The following SH3PXD2B variants were observed in gnomAD, a reference collection of about 807,000 sequenced individuals.
The protein encoded by SH3PXD2B is SH3 and PX domain-containing protein 2B.
A neutral mutation model predicts 73.1 loss-of-function variants in SH3PXD2B; 37 were observed. The observed-to-expected ratio is 0.51, with a 90% CI of 0.39 to 0.67. The LOEUF is 0.67. SH3PXD2B is among the 30% of genes least tolerant of loss of function. The pLI, the probability that SH3PXD2B is intolerant of heterozygous loss-of-function variation, is 0.00. For synonymous variants in SH3PXD2B, 457 were observed against 480.5 expected, an observed-to-expected ratio of 0.95 and a Z score of 0.64; for missense variants, 1,053 against 1,197.8, an observed-to-expected ratio of 0.88 and a Z score of 1.78.
chr5:172,333,404 G>T, downstream of SH3PXD2B: 1 of 723,346 alleles, frequency 1.4e-6, no homozygotes, highest in Non-Finnish European at 1.8e-6. Context: ...CCCAAACATA[G>T]CTGGCATAGG....
chr5:172,333,831 G>A lies in SH3PXD2B; in HGVS notation c.*4538C>T. On this transcript the variant is annotated 3_prime_UTR_variant, in exon 13 of 13. Coordinates refer to ENST00000311601, the MANE Select transcript of SH3PXD2B (RefSeq NM_001017995.3). ...CTCCCCAAAGCAGGAAATGTGGGTT[G>A]TAATCAAGGTGGCCACAGTTTATCA... The A allele has an allele frequency of 7.8e-7, 1 of 1,287,370 alleles. No homozygotes were observed. The highest frequency in any genetic ancestry group is 1.0e-6 in the Non-Finnish European group (1 of 988,328). The allele number at this position is 1,287,370 out of a possible 1,614,324, so 79.7% of individuals were successfully genotyped here.
chr5:172,403,087 G>A (rs762273239), intron 3 of SH3PXD2B, among the ~76,000 whole-genome samples: 1 of 152,268 alleles, frequency 6.6e-6, no homozygotes, highest in Non-Finnish European at 1.5e-5. Context: ...AGGTGTTTCT[G>A]TGTGCATCTC....
intron 1 of SH3PXD2B, among the ~76,000 whole-genome samples, chr5:172,451,349 C>A (rs567746996): frequency 1.3e-5 from 2 of 152,250 alleles, no homozygotes; most frequent in African/African-American, 2.4e-5. Flanking sequence ...TAGTCTATGG[C>A]GCAGTGGCTG....
At chr5:172,403,543 C>A (rs1019653304) in intron 3 of SH3PXD2B, among the ~76,000 whole-genome samples, 1 of 152,140 alleles carries the variant, frequency 6.6e-6, no homozygotes, top group Non-Finnish European at 1.5e-5. Context: ...TGAGAAGGGA[C>A]CAAGTCCCTG....
At position 172,454,374 on chromosome 5, in the gene SH3PXD2B, G is replaced by A. The variant is rs769143872; in HGVS notation, c.-22C>T. 36 of 1,440,358 alleles carry A rather than the reference G, an allele frequency of 2.5e-5. No individual in the cohort carries two copies. Among genetic ancestry groups the A allele is most frequent in the Non-Finnish European group, 3.2e-5 (35 of 1,096,742 alleles). 89.2% of individuals were successfully genotyped at this position (1,440,358 alleles called of 1,614,324 possible). ...GCATGGCCGCTCCTCCGCCCGCAGC[G>A]GGCCGAGCGCGGGTGCGGGTGGCGC... On this transcript the variant is annotated 5_prime_UTR_variant, in exon 1 of 13. Transcript: ENST00000311601.
intron 4 of SH3PXD2B, among the ~76,000 whole-genome samples, chr5:172,393,730 A>G (rs1387304382): frequency 7.2e-5 from 11 of 152,202 alleles, no homozygotes; most frequent in African/African-American, 2.4e-4. Flanking sequence ...AGAAACAAAT[A>G]CCAAAGAAAA....
Position 172,334,680 on chromosome 5 carries a change from T to G in SH3PXD2B, c.*3689A>C. On this transcript the variant is annotated 3_prime_UTR_variant, in exon 13 of 13. Transcript: ENST00000311601. ...GAATGTTTTTGTTCTTGATGTCAAG[T>G]TGCCAGCTACTGGAAGGCAGGAGCA... 4.1e-6 allele frequency: 4 copies of G among 985,534 alleles called. No homozygotes were observed. The highest frequency in any genetic ancestry group is 4.8e-6 in the Non-Finnish European group (4 of 830,014). The allele number at this position is 985,534 out of a possible 1,614,324, so 61.0% of individuals were successfully genotyped here. A position where few individuals can be genotyped will look rare whatever the true frequency, so the allele number is the denominator to read the frequency against.
At chr5:172,333,374 G>A (rs151330414), downstream of SH3PXD2B, 994 of 401,986 alleles carry the variant, frequency 2.5e-3, 8 homozygotes, top group African/African-American at 0.021. Context: ...GAGAGGGGTC[G>A]CCCCTATTTC....
In SH3PXD2B at chr5:172,333,652, T is replaced by A. The variant is rs1482643753; in HGVS notation, c.*4717A>T. On this transcript the variant is annotated 3_prime_UTR_variant, in exon 13 of 13. Coordinates refer to ENST00000311601, the MANE Select transcript of SH3PXD2B (RefSeq NM_001017995.3). Reference sequence around the variant, plus strand: ...CCTATATACTCATTTATTTAATGTGTTAAAGGAAACAAAAACCACCACCGG... The same window carrying A: ...CCTATATACTCATTTATTTAATGTGATAAAGGAAACAAAAACCACCACCGG... 3.5e-5 allele frequency: 45 copies of A among 1,289,226 alleles called. No homozygotes were observed. Among genetic ancestry groups the A allele is most frequent in the Non-Finnish European group, 4.0e-5 (40 of 988,872 alleles). The allele number at this position is 1,289,226 out of a possible 1,614,324, so 79.9% of individuals were successfully genotyped here.
At chr5:172,451,817 G>T (rs1759803055) in intron 1 of SH3PXD2B, among the ~76,000 whole-genome samples, 1 of 152,210 alleles carries the variant, frequency 6.6e-6, no homozygotes, top group African/African-American at 2.4e-5. Flanking sequence ...CCACCACAGG[G>T]ATCTGTTTCC....
intron 5 of SH3PXD2B, among the ~76,000 whole-genome samples, chr5:172,379,069 CAAAAA>C (rs61301407): frequency 2.6e-5 from 2 of 76,016 alleles, no homozygotes; most frequent in African/African-American, 5.0e-5. Flanking sequence ...GACTCTGTCT[CAAAAA>C]AAAAAAAAAA....
chr5:172,410,177 A>T (rs2113438932), intron 2 of SH3PXD2B, among the ~76,000 whole-genome samples: 1 of 152,344 alleles, frequency 6.6e-6, no homozygotes, highest in Non-Finnish European at 1.5e-5. Flanking sequence ...GGATTGCTGA[A>T]TCATATGGAA....
At chr5:172,441,649 G>A (rs976372349) in intron 1 of SH3PXD2B, among the ~76,000 whole-genome samples, 5 of 152,166 alleles carry the variant, frequency 3.3e-5, no homozygotes, top group African/African-American at 1.2e-4. Context: ...GGTAACGGAA[G>A]GGTTGCCGAG....
intron 1 of SH3PXD2B, among the ~76,000 whole-genome samples, chr5:172,448,358 T>C (rs1036629293): frequency 7.9e-5 from 12 of 152,228 alleles, no homozygotes; most frequent in African/African-American, 2.7e-4. Context: ...AGTACCTTTA[T>C]TTTATTTTTG....
chr5:172,325,811 C>T (rs1467313883), intron 12 of SH3PXD2B, among the ~76,000 whole-genome samples: 1 of 152,118 alleles, frequency 6.6e-6, no homozygotes, highest in Non-Finnish European at 1.5e-5. Context: ...GACAGCGTTT[C>T]GCTGTTGTTG....
At chr5:172,360,701 A>T (rs2569230) in intron 7 of SH3PXD2B, among the ~76,000 whole-genome samples, 58,425 of 151,678 alleles carry the variant, frequency 0.39, 11,599 homozygotes, top group East Asian at 0.65. Flanking sequence ...GCATGGTGGC[A>T]TGTGCCTGTA....
At chr5:172,387,155 G>A (rs985616594) in intron 4 of SH3PXD2B, among the ~76,000 whole-genome samples, 1 of 152,152 alleles carries the variant, frequency 6.6e-6, no homozygotes, top group East Asian at 1.9e-4. Flanking sequence ...CTGTTATGTT[G>A]CCCATAGTTT....
intron 1 of SH3PXD2B, among the ~76,000 whole-genome samples, chr5:172,426,680 C>T (rs979907189): frequency 2.0e-5 from 3 of 152,194 alleles, no homozygotes; most frequent in East Asian, 1.9e-4. Context: ...GGGCACAAGA[C>T]GGATGAGAAC....
chr5:172,386,549 T>A (rs559823606), intron 4 of SH3PXD2B, among the ~76,000 whole-genome samples: 1 of 151,658 alleles, frequency 6.6e-6, no homozygotes, highest in African/African-American at 2.4e-5. Flanking sequence ...GTTAGCCAGA[T>A]TTAAAAACGT....
Sources: gnomAD v4.1 joint callset for allele counts (sites outside exome capture counted in the v4.1 genomes callset) on GRCh38, gnomAD v4.1.1 for gene constraint, MANE v1.5 for transcripts, NCBI Gene and HGNC (gene_info 2026-07-23, HGNC 2026-07-21) for gene names.